Variants in PPP1R12C observed in about 807,000 individuals in gnomAD.
The protein encoded by PPP1R12C is protein phosphatase 1 regulatory subunit 12C, also known as leukocyte receptor cluster (LRC) encoded novel gene 3.
In PPP1R12C, 48 loss-of-function variants were observed where a neutral mutation model predicts 95.6. The ratio of observed to expected loss-of-function variants is 0.50; its 90% CI spans 0.40 to 0.64. PPP1R12C has a LOEUF of 0.64. Ranked by LOEUF, PPP1R12C falls within the 30% of genes least tolerant of loss-of-function variation. PPP1R12C has a pLI of 0.00. For synonymous variants in PPP1R12C, 480 were observed against 460.8 expected, an observed-to-expected ratio of 1.04 and a Z score of -0.53; for missense variants, 1,057 against 1,083.3, an observed-to-expected ratio of 0.98 and a Z score of 0.34.
chr19:55,092,246 C>A lies in PPP1R12C; in HGVS notation c.2136G>T (p.Lys712Asn). Residue 712 changes from lysine to asparagine, a missense_variant, in exon 19 of 22, where the codon AAG (lysine) becomes AAT (asparagine). Coordinates refer to ENST00000263433, the MANE Select transcript of PPP1R12C (RefSeq NM_017607.4). Reference protein sequence around the residue: ...TETTLRLAQLKVELERATQRQ... With the variant: ...TETTLRLAQLNVELERATQRQ... ...CCTGCGTGGCCCGCTCCAGCTCCAC[C>A]TTGAGCTGCGCCAGCCGCAGCGTGG... 6.3e-7 allele frequency: 1 copy of A among 1,586,948 alleles called. No homozygotes were observed.
Position 55,095,447 on chromosome 19 carries a change from G to T in PPP1R12C, c.1384C>A (p.Gln462Lys), listed in dbSNP as rs1365108610. The change falls in exon 10 of 22, where the codon CAG becomes AAG. Residue 462 changes from glutamine (Q) to lysine (K), a missense_variant and splice_region_variant. Gln to Lys is a moderately conservative substitution (Grantham distance 53). Around this residue, in one of 5 missense-constraint regions of PPP1R12C, gnomAD observed 356 missense variants for 330.5 expected, o/e 1.08. Coordinates refer to ENST00000263433, the MANE Select transcript of PPP1R12C (RefSeq NM_017607.4). ...GACCCGGCCCAACCCTCACTCACCT[G>T]AGTGGAGGTCCCTTCCAGCCAGGAG... ...SSSWLEGTST[Q>K]AKELRLARIT... The T allele has an allele frequency of 8.3e-6, 13 of 1,561,642 alleles. No individual in the cohort carries two copies. The East Asian group carries it at 3.1e-4, about 37-fold the overall frequency.
At chr19:55,094,280 A>T (rs560420087) in intron 13 of PPP1R12C, 65 bp downstream of exon 13, 3 of 1,250,730 alleles carry the variant, frequency 2.4e-6, no homozygotes, top group Non-Finnish European at 2.2e-6. Flanking sequence ...CCTCAGACCC[A>T]GGAGTCCAGG....
Position 55,095,545 on chromosome 19 carries a change from C to T in PPP1R12C, c.1286G>A (p.Gly429Asp). The T allele has an allele frequency of 6.3e-7, 1 of 1,592,914 alleles. No homozygotes were observed. Among genetic ancestry groups the T allele is most frequent in the Non-Finnish European group, 8.5e-7 (1 of 1,170,660 alleles). The change falls in exon 10 of 22, where the codon GGT (glycine) becomes GAT (aspartate). Residue 429 changes from glycine (G) to aspartate (D), a missense_variant. Coordinates refer to ENST00000263433, the MANE Select transcript of PPP1R12C (RefSeq NM_017607.4). ...CCGCCTTTCAGGGGGACCCAGGGCA[C>T]CAGAACTCCCTGTCTTCAGGAGGCC... ...RFGLLKTGSS[G>D]ALGPPERRTA...
At chr19:55,115,515 AC>A (rs906375526) in intron 1 of PPP1R12C, 7 of 152,242 alleles carry the variant, frequency 4.6e-5, no homozygotes, top group African/African-American at 1.7e-4. Flanking sequence ...GCCACTGAGA[AC>A]CGGGCAGGTC....
intron 3 of PPP1R12C, among the ~76,000 whole-genome samples, chr19:55,104,327 CTA>C: frequency 6.8e-6 from 1 of 147,486 alleles, no homozygotes; most frequent in Non-Finnish European, 1.5e-5. Context: ...TATATAAAAC[CTA>C]TATATATATC....
chr19:55,095,551 C>T lies in PPP1R12C; in HGVS notation c.1280G>A (p.Ser427Asn), dbSNP rs756041093. The change falls in exon 10 of 22, where the codon AGT becomes AAT. Residue 427 changes from serine (S) to asparagine (N), a missense_variant. By Grantham distance (46) the Ser-to-Asn change is conservative (BLOSUM62 1). Coordinates refer to ENST00000263433, the MANE Select transcript of PPP1R12C (RefSeq NM_017607.4). ...TTCAGGGGGACCCAGGGCACCAGAACTCCCTGTCTTCAGGAGGCCAAAGCG... is the reference window on the plus strand; with the variant it reads ...TTCAGGGGGACCCAGGGCACCAGAATTCCCTGTCTTCAGGAGGCCAAAGCG... The part of the protein sequence containing the change: ...SRRFGLLKTG[S>N]SGALGPPERR... 5 of 1,593,260 alleles carry T rather than the reference C, an allele frequency of 3.1e-6. No individual in the cohort carries two copies. Among genetic ancestry groups the T allele is most frequent in the Non-Finnish European group, 4.3e-6 (5 of 1,170,964 alleles).
intron 1 of PPP1R12C, chr19:55,115,408 T>G (rs1285799779): frequency 6.6e-6 from 1 of 152,156 alleles, no homozygotes; most frequent in Non-Finnish European, 1.5e-5. Flanking sequence ...CTTCTCCTCT[T>G]GGGAAGTGTA....
Position 55,096,275 on chromosome 19 carries a change from T to A in PPP1R12C, c.1012A>T (p.Ser338Cys). The A allele has an allele frequency of 6.2e-7, 1 of 1,613,894 alleles. No homozygotes were observed. Among genetic ancestry groups the A allele is most frequent in the Non-Finnish European group, 8.5e-7 (1 of 1,179,942 alleles). Reference sequence around the variant, plus strand: ...CCCTCCCTATACCTTCTGTGTTTGCTGCTAGAGGGCGCTTGGGGCTCCTGG... The same window carrying A: ...CCCTCCCTATACCTTCTGTGTTTGCAGCTAGAGGGCGCTTGGGGCTCCTGG... Reference protein sequence around the residue: ...RGQEPQAPSSSKHRRSSVCRL... With the variant: ...RGQEPQAPSSCKHRRSSVCRL... Residue 338 changes from serine (S) to cysteine (C), a missense_variant, in exon 7 of 22, where the codon AGC (serine) becomes TGC (cysteine). Around this residue, in one of 5 missense-constraint regions of PPP1R12C, gnomAD observed 356 missense variants for 330.5 expected, o/e 1.08. Coordinates refer to ENST00000263433, the MANE Select transcript of PPP1R12C (RefSeq NM_017607.4).
At chr19:55,100,708 A>G (rs190846973) in intron 4 of PPP1R12C, among the ~76,000 whole-genome samples, 236 of 152,226 alleles carry the variant, frequency 1.6e-3, no homozygotes, top group African/African-American at 5.6e-3. Flanking sequence ...TGCCTCCTGG[A>G]TTCAAGCAAT....
At position 55,091,824 on chromosome 19, in the gene PPP1R12C, C is replaced by T. The variant is rs540800586; in HGVS notation, c.2211+35G>A. 60 of 1,612,698 alleles carry T rather than the reference C, an allele frequency of 3.7e-5. No homozygotes were observed. In the South Asian group the frequency reaches 5.7e-4, roughly 15 times the overall value. ...AAACTTAGGGATGTGAGGCTGGGGACGCCTCTGGCCCCCATCCCCACTGCC... is the reference window on the plus strand; with the variant it reads ...AAACTTAGGGATGTGAGGCTGGGGATGCCTCTGGCCCCCATCCCCACTGCC... On this transcript the variant is annotated intron_variant, in intron 20 of 21. Transcript: ENST00000263433.
chr19:55,112,991 A>G, intron 1 of PPP1R12C, 196 bp from the exon 2 acceptor site: 1 of 691,682 alleles, frequency 1.4e-6, no homozygotes, highest in Non-Finnish European at 2.4e-6. Context: ...CCAGGCCTTC[A>G]GTGCTCAGTG....
chr19:55,100,390 G>A (rs2147192940), intron 4 of PPP1R12C, among the ~76,000 whole-genome samples: 1 of 152,374 alleles, frequency 6.6e-6, no homozygotes, highest in Non-Finnish European at 1.5e-5. Flanking sequence ...CCCACATCCT[G>A]TGATGCATGG....
chr19:55,112,225 G>C (rs934921267), intron 3 of PPP1R12C: 2 of 271,954 alleles, frequency 7.4e-6, no homozygotes, highest in Non-Finnish European at 1.4e-5. Flanking sequence ...TTACTCAGGG[G>C]GATTGACAGT....
intron 3 of PPP1R12C, among the ~76,000 whole-genome samples, chr19:55,108,868 G>A (rs1246037956): frequency 6.6e-6 from 1 of 152,012 alleles, no homozygotes; most frequent in African/African-American, 2.4e-5. Flanking sequence ...CACCACCCCT[G>A]GCTAATTTTG....
At chr19:55,095,088 G>T (rs73935103) in intron 11 of PPP1R12C, 5 of 708,786 alleles carry the variant, frequency 7.1e-6, no homozygotes, top group African/African-American at 3.5e-5. Flanking sequence ...ACCTCGGGGT[G>T]GGGGGAAGAT....
In PPP1R12C at chr19:55,095,457, C is replaced by A; in HGVS notation, c.1374G>T (p.Gly458=). The change falls in exon 10 of 22, where the codon GGG becomes GGT. Residue 458 remains glycine (G), a synonymous_variant. Coordinates refer to ENST00000263433, the MANE Select transcript of PPP1R12C (RefSeq NM_017607.4). ...AACCCTCACTCACCTGAGTGGAGGT[C>A]CCTTCCAGCCAGGAGGAGGAAGCCG... The part of the protein sequence containing the change: ...QRSASSSWLE[G]TSTQAKELRL... The A allele has an allele frequency of 1.3e-6, 2 of 1,562,000 alleles. No individual in the cohort carries two copies. The highest frequency in any genetic ancestry group is 2.4e-5 in the East Asian group (1 of 41,682).
At position 55,112,726 on chromosome 19, in the gene PPP1R12C, C is replaced by T; in HGVS notation, c.391G>A (p.Asp131Asn). The T allele has an allele frequency of 6.2e-7, 1 of 1,613,936 alleles. No individual in the cohort carries two copies. Among genetic ancestry groups the T allele is most frequent in the South Asian group, 1.1e-5 (1 of 91,082 alleles). ...TGCAGTGGCGTCCAGCCCTCGTTGTCTGCCTGGTTCACAGTGGCGCCCTGC... is the reference window on the plus strand; with the variant it reads ...TGCAGTGGCGTCCAGCCCTCGTTGTTTGCCTGGTTCACAGTGGCGCCCTGC... Reference protein sequence around the residue: ...VEQGATVNQADNEGWTPLHVA... With the variant: ...VEQGATVNQANNEGWTPLHVA... The change falls in exon 2 of 22, where the codon GAC becomes AAC. Residue 131 changes from aspartate (D) to asparagine (N), a missense_variant. Asp to Asn is a conservative substitution (Grantham distance 23, BLOSUM62 1). Coordinates refer to ENST00000263433, the MANE Select transcript of PPP1R12C (RefSeq NM_017607.4).
chr19:55,113,494 T>C, intron 1 of PPP1R12C: 1 of 1,443,736 alleles, frequency 6.9e-7, no homozygotes, highest in Non-Finnish European at 9.1e-7. Flanking sequence ...TTCTCATTCT[T>C]CCCTTAGGGG....
chr19:55,098,682 G>C (rs1362705848), intron 6 of PPP1R12C, 102 bp downstream of exon 6: 4 of 1,403,840 alleles, frequency 2.8e-6, no homozygotes, highest in East Asian at 4.6e-5. Flanking sequence ...TCGCTGGGGT[G>C]GTGGGTGTCA....
Sources: allele counts gnomAD v4.1 joint callset (sites outside exome capture counted in the v4.1 genomes callset), GRCh38; gene constraint gnomAD v4.1.1; regional missense constraint gnomAD v4.1.1; transcripts MANE v1.5; gene names NCBI Gene and HGNC (gene_info 2026-07-23, HGNC 2026-07-21).